Variants in CHD2 observed in about 807,000 individuals in gnomAD.
CHD2 encodes ATP-dependent chromatin remodeler CHD2.
CHD2 carries 28 observed loss-of-function variants against 243.9 expected under a neutral mutation model. The observed-to-expected ratio is 0.11, with a 90% CI of 0.09 to 0.16. CHD2 has a LOEUF of 0.16. Ranked by LOEUF, CHD2 falls within the 10% of genes least tolerant of loss-of-function variation. The pLI, the probability that CHD2 is intolerant of heterozygous loss-of-function variation, is 1.00. For missense variants in CHD2, 1,386 were observed against 2,209.8 expected (o/e 0.63, Z 7.47); for synonymous variants, 775 against 779.0 (o/e 0.99, Z 0.09).
rs764162343 is a variant in CHD2, at chr15:93,024,716, G to A, written c.*11G>A. Reference sequence around the variant, plus strand: ...GTTCGGAAAACATAAAGGACAGCTCGTAAAGGAGAGAGTAAGAGTCACCAA... The same window carrying A: ...GTTCGGAAAACATAAAGGACAGCTCATAAAGGAGAGAGTAAGAGTCACCAA... On this transcript the variant is annotated 3_prime_UTR_variant, in exon 39 of 39. Transcript: ENST00000394196. 5.0e-6 allele frequency: 8 copies of A among 1,595,868 alleles called. No individual in the cohort carries two copies. Among genetic ancestry groups the A allele is most frequent in the African/African-American group, 4.0e-5 (3 of 74,304 alleles).
intron 16 of CHD2, among the ~76,000 whole-genome samples, chr15:92,961,975 A>G (rs1430487952): frequency 7.5e-6 from 1 of 134,058 alleles, no homozygotes; most frequent in African/African-American, 2.8e-5. Context: ...TCCGCCTTCC[A>G]GTTTCAAGTG....
intron 5 of CHD2, among the ~76,000 whole-genome samples, chr15:92,933,460 A>T (rs901552932): frequency 1.3e-5 from 2 of 152,208 alleles, no homozygotes; most frequent in Non-Finnish European, 2.9e-5. Context: ...TTAGAGTCAT[A>T]CAAACAAACA....
At chr15:92,940,873 T>C (rs1431104575) in intron 7 of CHD2, among the ~76,000 whole-genome samples, 1 of 106,236 alleles carries the variant, frequency 9.4e-6, no homozygotes, top group Non-Finnish European at 2.0e-5. Context: ...TATAAAAATA[T>C]ACATATAAAT....
intron 15 of CHD2, among the ~76,000 whole-genome samples, chr15:92,955,733 T>C (rs1201949654): frequency 6.6e-6 from 1 of 152,234 alleles, no homozygotes; most frequent in African/African-American, 2.4e-5. Flanking sequence ...TTTCAAAGGA[T>C]ATTAACGTTA....
intron 2 of CHD2, among the ~76,000 whole-genome samples, chr15:92,905,673 GGAA>G (rs1477805628): frequency 6.6e-6 from 1 of 152,118 alleles, no homozygotes; most frequent in African/African-American, 2.4e-5. Context: ...AGGTTCTTTG[GGAA>G]GAATTATTTG....
chr15:92,936,111 G>A (rs553009803), intron 5 of CHD2, among the ~76,000 whole-genome samples: 1 of 152,238 alleles, frequency 6.6e-6, no homozygotes, highest in South Asian at 2.1e-4. Flanking sequence ...TCCACTGACC[G>A]TCCGTGGAAG....
At chr15:92,996,825 A>AT in intron 28 of CHD2, 132 bp from the exon 29 acceptor site, 2 of 867,200 alleles carry the variant, frequency 2.3e-6, no homozygotes, top group Non-Finnish European at 3.4e-6. Context: ...TGTCTTATAG[A>AT]TTATATCTTC....
At chr15:92,930,265 GCTACA>G (rs1180292313) in intron 5 of CHD2, among the ~76,000 whole-genome samples, 1 of 152,066 alleles carries the variant, frequency 6.6e-6, no homozygotes, top group African/African-American at 2.4e-5. Context: ...TCACCATCTG[GCTACA>G]TTCCTTTGGT....
At chr15:92,949,167 C>G in intron 13 of CHD2, 91 bp downstream of exon 13, 3 of 1,562,848 alleles carry the variant, frequency 1.9e-6, no homozygotes, top group Non-Finnish European at 1.7e-6. Flanking sequence ...TTTTTCACAC[C>G]CTTATTGTAT....
At chr15:92,977,745 A>G (rs536729522) in intron 20 of CHD2, among the ~76,000 whole-genome samples, 2 of 152,326 alleles carry the variant, frequency 1.3e-5, no homozygotes, top group South Asian at 4.1e-4. Flanking sequence ...CTTACCATAT[A>G]TGATCTCTTT....
chr15:92,993,904 T>C (rs947532640), intron 28 of CHD2, among the ~76,000 whole-genome samples: 54 of 152,176 alleles, frequency 3.5e-4, no homozygotes, highest in African/African-American at 1.3e-3. Context: ...GTTGAGATCA[T>C]GCCGCTGCAG....
At position 92,908,101 on chromosome 15, in the gene CHD2, C is replaced by T. The variant is rs533753474; in HGVS notation, c.62+6802C>T. ...ACAGCTTCTTGTGTGAATCACAGCC[C>T]GGCTTTTGCCAGTTAGTCTGAGTAG... On this transcript the variant is annotated intron_variant, in intron 2 of 38. Transcript: ENST00000394196. 5.3e-5 allele frequency among the ~76,000 whole-genome samples: 8 copies of T among 151,296 alleles called. No homozygotes were observed. The South Asian group carries it at 1.5e-3, about 28-fold the overall frequency.
chr15:92,975,015 C>T (rs570513863), intron 20 of CHD2, 65 bp downstream of exon 20: 10 of 1,297,886 alleles, frequency 7.7e-6, no homozygotes, highest in African/African-American at 2.9e-5. Flanking sequence ...AAGTCTCTCT[C>T]GCTTAATGTA....
chr15:92,908,003 A>ATTTTT (rs71877681), intron 2 of CHD2, among the ~76,000 whole-genome samples: 2 of 107,636 alleles, frequency 1.9e-5, no homozygotes, highest in Non-Finnish European at 3.6e-5. Flanking sequence ...CTCTCTTAGA[A>ATTTTT]TTTTTTTTTT....
At chr15:92,939,917 TA>T (rs1188046251) in intron 7 of CHD2, among the ~76,000 whole-genome samples, 199 bp downstream of exon 7, 1 of 152,150 alleles carries the variant, frequency 6.6e-6, no homozygotes. Flanking sequence ...AGAGTAGCAA[TA>T]GCTCATTTGA....
intron 37 of CHD2, among the ~76,000 whole-genome samples, chr15:93,018,944 C>G (rs1489749545): frequency 6.6e-6 from 1 of 152,152 alleles, no homozygotes; most frequent in Non-Finnish European, 1.5e-5. Flanking sequence ...GTGGACATGA[C>G]ATTTTGGTAG....
At chr15:93,007,522 A>G (rs1379110957) in intron 34 of CHD2, among the ~76,000 whole-genome samples, 7 of 152,152 alleles carry the variant, frequency 4.6e-5, no homozygotes, top group African/African-American at 1.7e-4. Flanking sequence ...AAAATCCACA[A>G]ATAATAAGTA....
At chr15:92,983,991 CTAAA>C (rs1035198259) in intron 24 of CHD2, among the ~76,000 whole-genome samples, 48 of 152,094 alleles carry the variant, frequency 3.2e-4, no homozygotes, top group Admixed American at 1.2e-3. Context: ...ATTTTAAAAT[CTAAA>C]TAAATCTAAA....
chr15:92,938,453 C>G (rs2053302803), intron 6 of CHD2, among the ~76,000 whole-genome samples: 1 of 152,180 alleles, frequency 6.6e-6, no homozygotes, highest in East Asian at 1.9e-4. Context: ...TCTTGGCTGG[C>G]AGAGCCTAAA....
Sources: allele counts gnomAD v4.1 joint callset (sites outside exome capture counted in the v4.1 genomes callset), GRCh38; gene constraint gnomAD v4.1.1; transcripts MANE v1.5; gene names NCBI Gene and HGNC (gene_info 2026-07-23, HGNC 2026-07-21).